Variants in LRRC1 observed in about 807,000 individuals in gnomAD.
LRRC1 encodes leucine-rich repeat-containing protein 1.
In LRRC1, 28 loss-of-function variants were observed where a neutral mutation model predicts 69.9. The ratio of observed to expected loss-of-function variants is 0.40; its 90% confidence interval spans 0.30 to 0.55. The LOEUF (loss-of-function observed/expected upper bound fraction) is 0.55, where lower values mean the gene tolerates loss of function less well. Ranked by LOEUF, LRRC1 falls within the 20% of genes least tolerant of loss-of-function variation. The pLI is 0.47. For synonymous variants in LRRC1, 236 were observed against 240.2 expected (o/e 0.98, Z 0.16); for missense variants, 498 against 609.0 (o/e 0.82, Z 1.92).
intron 4 of LRRC1, among the ~76,000 whole-genome samples, chr6:53,890,029 T>G (rs1019551127): frequency 2.6e-5 from 4 of 152,006 alleles, no homozygotes; most frequent in African/African-American, 9.7e-5. Flanking sequence ...AGAGTGGAGG[T>G]CAAGAGCACA....
At chr6:53,802,484 C>G (rs1323456727) in intron 1 of LRRC1, among the ~76,000 whole-genome samples, 1 of 152,182 alleles carries the variant, frequency 6.6e-6, no homozygotes, top group Non-Finnish European at 1.5e-5. Flanking sequence ...ATTGTCCTCC[C>G]TTCTGTGGAC....
At chr6:53,808,113 C>T (rs1764688859) in intron 1 of LRRC1, among the ~76,000 whole-genome samples, 1 of 152,204 alleles carries the variant, frequency 6.6e-6, no homozygotes, top group Non-Finnish European at 1.5e-5. Flanking sequence ...AGAGAGTTCA[C>T]TCTGCCTGCT....
intron 10 of LRRC1, 62 bp from the exon 11 acceptor site, chr6:53,913,792 C>T (rs561198180): frequency 2.8e-6 from 3 of 1,077,166 alleles, no homozygotes; most frequent in South Asian, 2.8e-5. Context: ...ACAAGGTACT[C>T]TGATCCTACT....
At chr6:53,830,356 G>A (rs1344532497) in intron 1 of LRRC1, among the ~76,000 whole-genome samples, 4 of 152,234 alleles carry the variant, frequency 2.6e-5, no homozygotes, top group Non-Finnish European at 4.4e-5. Context: ...CAGGACATAG[G>A]AGTTGAGTAG....
intron 4 of LRRC1, among the ~76,000 whole-genome samples, chr6:53,893,470 T>C (rs2127434676): frequency 6.6e-6 from 1 of 152,284 alleles, no homozygotes; most frequent in East Asian, 1.9e-4. Flanking sequence ...AAGTATTACC[T>C]CAGAATATAA....
At chr6:53,848,544 T>C (rs1766021565) in intron 2 of LRRC1, among the ~76,000 whole-genome samples, 1 of 152,326 alleles carries the variant, frequency 6.6e-6, no homozygotes, top group East Asian at 1.9e-4. Context: ...CATTTTCTTC[T>C]TGCCATTCCA....
chr6:53,889,558 A>G (rs766275150), intron 4 of LRRC1, among the ~76,000 whole-genome samples: 10 of 152,190 alleles, frequency 6.6e-5, no homozygotes, highest in African/African-American at 1.2e-4. Context: ...CACATATTCT[A>G]TGACTCACTT....
chr6:53,799,986 G>A (rs1381077749), intron 1 of LRRC1, among the ~76,000 whole-genome samples: 2 of 152,142 alleles, frequency 1.3e-5, no homozygotes, highest in African/African-American at 2.4e-5. Flanking sequence ...GTTGTCTTCT[G>A]CTGAGGCTCT....
At chr6:53,918,836 C>G (rs1221028598) in intron 11 of LRRC1, 4 of 152,102 alleles carry the variant, frequency 2.6e-5, no homozygotes, top group Non-Finnish European at 4.4e-5. Flanking sequence ...TCATTTGAAA[C>G]TGAAATAATC....
chr6:53,809,212 G>A (rs768100558), intron 1 of LRRC1, among the ~76,000 whole-genome samples: 1 of 152,152 alleles, frequency 6.6e-6, no homozygotes, highest in African/African-American at 2.4e-5. Context: ...CATTAGTCTT[G>A]ACTGTAAAGG....
At position 53,818,261 on chromosome 6, in the gene LRRC1, C is replaced by T. The variant is rs1042108650; in HGVS notation, c.159+22846C>T. On this transcript the variant is annotated intron_variant, in intron 1 of 13. Transcript: ENST00000370888. ...TGATACGGCTTTTTTGGAAGTCATT[C>T]TGGTCTTATCTATTAAAATTAAAAA... Among the ~76,000 whole-genome samples, 3 of 152,104 alleles carry T rather than the reference C, an allele frequency of 2.0e-5. No individual in the cohort carries two copies. In the East Asian group the frequency reaches 5.8e-4, roughly 29 times the overall value.
chr6:53,919,433 G>C, intron 11 of LRRC1, 65 bp from the exon 12 acceptor site: 1 of 1,269,134 alleles, frequency 7.9e-7, no homozygotes, highest in Admixed American at 3.0e-5. Context: ...TGTTGATAGG[G>C]ATTGATTTGA....
In LRRC1 at chr6:53,860,296, G is replaced by A. The variant is rs149383006; in HGVS notation, c.277+18069G>A. 2.0e-5 allele frequency among the ~76,000 whole-genome samples: 3 copies of A among 152,312 alleles called. No homozygotes were observed. The East Asian group carries it at 5.8e-4, about 29-fold the overall frequency. On this transcript the variant is annotated intron_variant, in intron 2 of 13. Coordinates refer to ENST00000370888, the MANE Select transcript of LRRC1 (RefSeq NM_018214.5). ...CAATGGCAGAGCCAGAAGAATATAT[G>A]TGCATGCTTCATTGATGAATACTTT... is the stretch of plus-strand genomic sequence containing the variant.
chr6:53,795,822 C>G (rs1764282279), intron 1 of LRRC1, among the ~76,000 whole-genome samples: 1 of 152,252 alleles, frequency 6.6e-6, no homozygotes, highest in South Asian at 2.1e-4. Flanking sequence ...CGTTCCCCCA[C>G]CAAGGGCCGG....
At chr6:53,912,560 A>T (rs186916143) in intron 10 of LRRC1, among the ~76,000 whole-genome samples, 5 of 152,194 alleles carry the variant, frequency 3.3e-5, no homozygotes, top group African/African-American at 1.2e-4. Flanking sequence ...TTACTTATAT[A>T]TTTATTTTTC....
At chr6:53,805,528 A>G (rs1231391283) in intron 1 of LRRC1, among the ~76,000 whole-genome samples, 1 of 152,178 alleles carries the variant, frequency 6.6e-6, no homozygotes, top group Admixed American at 6.5e-5. Flanking sequence ...TTACTTGAAG[A>G]TGAAGTATAC....
chr6:53,852,968 G>T (rs757474772), intron 2 of LRRC1, among the ~76,000 whole-genome samples: 1 of 152,168 alleles, frequency 6.6e-6, no homozygotes, highest in Non-Finnish European at 1.5e-5. Context: ...CAAGATCCAG[G>T]TGCTGGCAGA....
intron 4 of LRRC1, among the ~76,000 whole-genome samples, chr6:53,888,808 T>C (rs533581157): frequency 4.6e-5 from 7 of 152,312 alleles, no homozygotes; most frequent in African/African-American, 1.7e-4. Flanking sequence ...AGCAGTGGTT[T>C]CCTAGCTATG....
At position 53,885,036 on chromosome 6, in the gene LRRC1, AAGAG is replaced by A. The variant is rs5876343; in HGVS notation, c.446+2065_446+2068del. Among the ~76,000 whole-genome samples the A allele has an allele frequency of 4.5e-3, 683 of 152,344 alleles. 2 individuals are homozygous for A. The highest frequency in any genetic ancestry group is 0.016 in the African/African-American group (647 of 41,578). On this transcript the variant is annotated intron_variant, in intron 4 of 13. Transcript: ENST00000370888. ...GGTCACTTTGTGAAATTAAATGAAA[AAGAG>A]AGAGTTTTCTATTCTTGGTTGTTAG... is the stretch of plus-strand genomic sequence containing the variant.
Sources: allele counts gnomAD v4.1 joint callset (sites outside exome capture counted in the v4.1 genomes callset), GRCh38; gene constraint gnomAD v4.1.1; transcripts MANE v1.5; gene names NCBI Gene and HGNC (gene_info 2026-07-23, HGNC 2026-07-21).